Variants in GALK2 observed in about 807,000 individuals in gnomAD.
GALK2 encodes the protein galactokinase 2.
A neutral mutation model predicts 52.4 loss-of-function variants in GALK2; 36 were observed. The observed-to-expected ratio is 0.69, with a 90% CI of 0.53 to 0.91. GALK2 has a LOEUF of 0.91. GALK2 is among the 40% of genes least tolerant of loss of function. GALK2 has a pLI of 0.00. For missense variants in GALK2, 579 were observed against 559.1 expected (o/e 1.04, Z -0.36); for synonymous variants, 176 against 199.1 (o/e 0.88, Z 0.98).
intron 2 of GALK2, among the ~76,000 whole-genome samples, chr15:49,210,164 G>T (rs777498736): frequency 6.6e-6 from 1 of 151,256 alleles, no homozygotes; most frequent in Non-Finnish European, 1.5e-5. Context: ...GTATTTTGTG[G>T]TGTCACTTGT....
At chr15:49,211,846 A>G (rs1295626643) in intron 2 of GALK2, among the ~76,000 whole-genome samples, 1 of 152,114 alleles carries the variant, frequency 6.6e-6, no homozygotes. Flanking sequence ...CCATGATTCA[A>G]TCAACACCCA....
intron 3 of GALK2, chr15:49,223,250 AT>A (rs1164526518): frequency 6.6e-6 from 1 of 151,468 alleles, no homozygotes; most frequent in Non-Finnish European, 1.5e-5. Flanking sequence ...TTTGATTCTG[AT>A]TTTGTTTATT....
At chr15:49,302,883 T>C (rs1266523450) in intron 8 of GALK2, among the ~76,000 whole-genome samples, 1 of 152,220 alleles carries the variant, frequency 6.6e-6, no homozygotes, top group Non-Finnish European at 1.5e-5. Context: ...CTATTGTTTT[T>C]GTTTTTATGA....
At chr15:49,317,817 C>T (rs1206226218) in intron 8 of GALK2, among the ~76,000 whole-genome samples, 1 of 152,036 alleles carries the variant, frequency 6.6e-6, no homozygotes, top group South Asian at 2.1e-4. Flanking sequence ...GAGCAGAAAA[C>T]CAAACACCAC....
chr15:49,359,931 C>T (rs1403219071), intron 3 of GALK2, among the ~76,000 whole-genome samples: 1 of 150,088 alleles, frequency 6.7e-6, no homozygotes, highest in Non-Finnish European at 1.5e-5. Context: ...GAGTTCATGT[C>T]CTTTGTATGG....
At chr15:49,308,398 G>A (rs2035719069) in intron 8 of GALK2, among the ~76,000 whole-genome samples, 1 of 151,980 alleles carries the variant, frequency 6.6e-6, no homozygotes, top group South Asian at 2.1e-4. Flanking sequence ...AATATTCTAG[G>A]GTATGAAAGT....
chr15:49,278,513 A>G (rs1384535437), intron 5 of GALK2, among the ~76,000 whole-genome samples: 1 of 152,216 alleles, frequency 6.6e-6, no homozygotes, highest in African/African-American at 2.4e-5. Context: ...GATAACACCA[A>G]CTGTGTAGTA....
chr15:49,239,205 T>C lies in GALK2; in HGVS notation c.358-16T>C. 1.2e-6 allele frequency: 2 copies of C among 1,611,914 alleles called. No homozygotes were observed. Among genetic ancestry groups the C allele is most frequent in the Non-Finnish European group, 1.7e-6 (2 of 1,178,070 alleles). ...CAATACTGAATTACTGTTGCTGTTT[T>C]TCCTTATATTCTTAGGAACACTTTG... On this transcript the variant is annotated splice_polypyrimidine_tract_variant and intron_variant, in intron 4 of 9. Coordinates refer to ENST00000560031, the MANE Select transcript of GALK2 (RefSeq NM_002044.4).
At chr15:49,216,104 AGT>A (rs2032137538) in intron 2 of GALK2, among the ~76,000 whole-genome samples, 1 of 152,200 alleles carries the variant, frequency 6.6e-6, no homozygotes. Context: ...AGTCAGAAGT[AGT>A]CTGTCTCCAT....
At position 49,321,374 on chromosome 15, in the gene GALK2, G is replaced by A. The variant is rs149588658; in HGVS notation, c.1169+1569G>A. Among the ~76,000 whole-genome samples the A allele has an allele frequency of 5.9e-5, 9 of 152,322 alleles. No homozygotes were observed. The East Asian group carries it at 9.7e-4, about 16-fold the overall frequency. ...AGTGGGGAGCCACACCATATAGGCCGTGTAGGCCATCGGAAGGCTTCTGGC... is the reference window on the plus strand; with the variant it reads ...AGTGGGGAGCCACACCATATAGGCCATGTAGGCCATCGGAAGGCTTCTGGC... On this transcript the variant is annotated intron_variant, in intron 9 of 9. Coordinates refer to ENST00000560031, the MANE Select transcript of GALK2 (RefSeq NM_002044.4).
chr15:49,324,422 G>C (rs1258301664), intron 9 of GALK2, among the ~76,000 whole-genome samples: 5 of 45,484 alleles, frequency 1.1e-4, no homozygotes, highest in Non-Finnish European at 1.8e-4. Context: ...AAGAGGGAGG[G>C]AGCCATTTCA....
chr15:49,173,609 G>A (rs1328213158), intron 1 of GALK2, among the ~76,000 whole-genome samples: 1 of 150,984 alleles, frequency 6.6e-6, no homozygotes, highest in Non-Finnish European at 1.5e-5. Context: ...TTATATCATT[G>A]TTACTATATT....
At chr15:49,317,391 T>C (rs1313954925) in intron 8 of GALK2, among the ~76,000 whole-genome samples, 1 of 111,576 alleles carries the variant, frequency 9.0e-6, no homozygotes, top group Non-Finnish European at 2.2e-5. Flanking sequence ...AAGGCGGTTA[T>C]TAAAAAGTCA....
chr15:49,190,853 T>G (rs1029885972), intron 1 of GALK2, among the ~76,000 whole-genome samples: 1 of 152,146 alleles, frequency 6.6e-6, no homozygotes, highest in East Asian at 1.9e-4. Flanking sequence ...GTTACTTCCC[T>G]TTTTTTGTCT....
intron 8 of GALK2, among the ~76,000 whole-genome samples, chr15:49,306,263 T>G (rs994430379): frequency 1.3e-5 from 2 of 152,056 alleles, no homozygotes; most frequent in African/African-American, 4.8e-5. Context: ...TCATACTTGC[T>G]TAAACTGTTG....
intron 3 of GALK2, among the ~76,000 whole-genome samples, chr15:49,346,926 A>C (rs8039920): frequency 0.42 from 63,809 of 152,024 alleles, 13,529 homozygotes; most frequent in African/African-American, 0.45. Flanking sequence ...TATAAGTAAA[A>C]TATTTTAATG....
chr15:49,229,474 G>A (rs1566958990), intron 3 of GALK2, among the ~76,000 whole-genome samples: 1 of 152,214 alleles, frequency 6.6e-6, no homozygotes, highest in Non-Finnish European at 1.5e-5. Flanking sequence ...TGCCACAGGT[G>A]TTGCATGCAG....
Position 49,328,396 on chromosome 15 carries a change from TAAG to T in GALK2, c.*240_*242del. ...CAAGATCATGCTTGGACAGATCTTTTAAGAATAACTTACTGAGATTTATTGATT... is the reference window on the plus strand; with the variant it reads ...CAAGATCATGCTTGGACAGATCTTTTAATAACTTACTGAGATTTATTGATT... On this transcript the variant is annotated 3_prime_UTR_variant, in exon 10 of 10. Transcript: ENST00000560031. 1 of 1,429,566 alleles carries T rather than the reference TAAG, an allele frequency of 7.0e-7. No individual in the cohort carries two copies. The highest frequency in any genetic ancestry group is 9.1e-7 in the Non-Finnish European group (1 of 1,095,044). The allele number at this position is 1,429,566 out of a possible 1,614,324, so 88.6% of individuals were successfully genotyped here.
chr15:49,225,161 C>T (rs542588793), intron 3 of GALK2: 68 of 454,346 alleles, frequency 1.5e-4, no homozygotes, highest in African/African-American at 1.1e-3. Flanking sequence ...TTGAGGAAGC[C>T]GCCTCTGATC....
Sources: gnomAD v4.1 joint callset for allele counts (sites outside exome capture counted in the v4.1 genomes callset) on GRCh38, gnomAD v4.1.1 for gene constraint, MANE v1.5 for transcripts, NCBI Gene and HGNC (gene_info 2026-07-23, HGNC 2026-07-21) for gene names.